The following TSNARE1 variants were observed in gnomAD, a reference collection of about 807,000 sequenced individuals.
TSNARE1 encodes t-SNARE domain containing 1.
A neutral mutation model predicts 62.0 loss-of-function variants in TSNARE1; 49 were observed. The observed-to-expected ratio is 0.79, with a 90% CI of 0.63 to 1.00. The LOEUF (loss-of-function observed/expected upper bound fraction) is 1.00. Ranked by LOEUF, TSNARE1 falls within the 50% of genes least tolerant of loss-of-function variation. TSNARE1 has a pLI of 0.00. For missense variants in TSNARE1, 755 were observed against 700.1 expected (o/e 1.08, Z -0.88); for synonymous variants, 328 against 294.4 (o/e 1.11, Z -1.17).
intron 12 of TSNARE1, among the ~76,000 whole-genome samples, chr8:142,241,589 T>C (rs1817669081): frequency 6.6e-6 from 1 of 152,126 alleles, no homozygotes; most frequent in Non-Finnish European, 1.5e-5. Context: ...AGAGGTCACA[T>C]TAAATAATCT....
intron 11 of TSNARE1, chr8:142,275,396 C>A (rs188231988): frequency 2.0e-6 from 2 of 985,146 alleles, no homozygotes; most frequent in South Asian, 4.7e-5. Flanking sequence ...GCGGGGATCA[C>A]GGGAGATGGT....
chr8:142,392,324 C>T (rs1837589058), intron 1 of TSNARE1, among the ~76,000 whole-genome samples: 2 of 152,010 alleles, frequency 1.3e-5, no homozygotes, highest in South Asian at 4.1e-4. Context: ...ACCCAGCCAA[C>T]TTTTTTTTAA....
At chr8:142,284,237 GCT>G (rs2130896383) in intron 11 of TSNARE1, among the ~76,000 whole-genome samples, 174 bp downstream of exon 11, 1 of 152,338 alleles carries the variant, frequency 6.6e-6, no homozygotes, top group South Asian at 2.1e-4. Flanking sequence ...GCGGAGCAGG[GCT>G]GGAGGAAGAC....
chr8:142,351,690 C>T (rs1165033517), intron 2 of TSNARE1, among the ~76,000 whole-genome samples: 1 of 152,098 alleles, frequency 6.6e-6, no homozygotes, highest in African/African-American at 2.4e-5. Flanking sequence ...GCACTTTGTT[C>T]TAAAAAGTAT....
At chr8:142,228,358 C>G (rs1816935991) in intron 13 of TSNARE1, among the ~76,000 whole-genome samples, 1 of 152,202 alleles carries the variant, frequency 6.6e-6, no homozygotes, top group Non-Finnish European at 1.5e-5. Flanking sequence ...ATGTTCTGTC[C>G]CAGCCCTGCC....
At position 142,258,474 on chromosome 8, in the gene TSNARE1, G is replaced by A. The variant is rs1160305875; in HGVS notation, c.1446+16307C>T. Among the ~76,000 whole-genome samples, 159 of 133,664 alleles carry A rather than the reference G, an allele frequency of 1.2e-3. 3 individuals are homozygous for A. Among genetic ancestry groups the A allele is most frequent in the Non-Finnish European group, 5.8e-4 (38 of 65,348 alleles). 87.7% of individuals were successfully genotyped at this position (133,664 alleles called of 152,430 possible). ...TGGGACCCAGTCAGCTGCAGAACTT[G>A]TGCTTTTTTTTTTTTTTTTTTTTTT... On this transcript the variant is annotated intron_variant, in intron 12 of 13. Transcript: ENST00000524325.
At chr8:142,358,659 C>CCG in intron 1 of TSNARE1, among the ~76,000 whole-genome samples, 1 of 152,204 alleles carries the variant, frequency 6.6e-6, no homozygotes, top group East Asian at 1.9e-4. Flanking sequence ...CACCGAGTCA[C>CCG]CGCAGGCAGA....
At chr8:142,287,436 C>T (rs746553507) in intron 10 of TSNARE1, among the ~76,000 whole-genome samples, 84 of 87,072 alleles carry the variant, frequency 9.6e-4, no homozygotes, top group African/African-American at 1.7e-3. Flanking sequence ...GACAGTGGGC[C>T]GCCCTCCAGG....
intron 13 of TSNARE1, among the ~76,000 whole-genome samples, chr8:142,228,315 T>G (rs1242778738): frequency 6.6e-6 from 1 of 152,222 alleles, no homozygotes; most frequent in Non-Finnish European, 1.5e-5. Context: ...CTTAACATGT[T>G]TCAGAGGCTC....
chr8:142,280,111 C>T (rs757378232), intron 11 of TSNARE1: 65 of 1,146,964 alleles, frequency 5.7e-5, no homozygotes, highest in East Asian at 1.9e-4. Flanking sequence ...AGGTGTGCCC[C>T]GCAGCGCCCC....
intron 11 of TSNARE1, chr8:142,278,288 G>T (rs1820832708): frequency 2.0e-6 from 2 of 985,322 alleles, no homozygotes; most frequent in South Asian, 4.7e-5. Flanking sequence ...GCACCGCTGT[G>T]AGCAGGAGCA....
chr8:142,269,406 C>G, intron 12 of TSNARE1: 1 of 984,804 alleles, frequency 1.0e-6, no homozygotes, highest in Non-Finnish European at 1.2e-6. Flanking sequence ...AGAGTAGAGG[C>G]TGTGTCCAGG....
chr8:142,279,587 A>G (rs1265707341), intron 11 of TSNARE1, among the ~76,000 whole-genome samples: 1 of 152,158 alleles, frequency 6.6e-6, no homozygotes, highest in Non-Finnish European at 1.5e-5. Flanking sequence ...TGATGGCACA[A>G]TGCTTGGCAA....
At chr8:142,216,028 GC>G (rs1815815588) in intron 13 of TSNARE1, among the ~76,000 whole-genome samples, 1 of 152,194 alleles carries the variant, frequency 6.6e-6, no homozygotes, top group Admixed American at 6.5e-5. Context: ...TGTGGCATCT[GC>G]CGGCTGAGTG....
At chr8:142,307,515 A>G (rs997505841) in intron 9 of TSNARE1, among the ~76,000 whole-genome samples, 4 of 152,210 alleles carry the variant, frequency 2.6e-5, no homozygotes, top group African/African-American at 9.7e-5. Context: ...ATCCTCCCAT[A>G]TATTTAAATC....
intron 9 of TSNARE1, among the ~76,000 whole-genome samples, chr8:142,302,667 A>T (rs1301903788): frequency 6.6e-6 from 1 of 152,140 alleles, no homozygotes; most frequent in African/African-American, 2.4e-5. Context: ...GCCTCTGCTC[A>T]TCAGGGCCCT....
At position 142,291,585 on chromosome 8, in the gene TSNARE1, T is replaced by C. The variant is rs1823757498; in HGVS notation, c.1291-7100A>G. Among the ~76,000 whole-genome samples, 1 of 144,412 alleles carries C rather than the reference T, an allele frequency of 6.9e-6. No individual in the cohort carries two copies. Among genetic ancestry groups the C allele is most frequent in the Admixed American group, 6.9e-5 (1 of 14,424 alleles). The allele number at this position is 144,412 out of a possible 152,430, so 94.7% of individuals were successfully genotyped here. On this transcript the variant is annotated intron_variant, in intron 10 of 13. Coordinates refer to ENST00000524325, the MANE Select transcript of TSNARE1 (RefSeq NM_145003.5). This position sits in a 1 kb window ranked among gnomAD's most constrained non-coding sequence, Gnocchi z 4.8. Reference sequence around the variant, plus strand: ...ATTTGTTCATTCAGCAGCCACTGGGTGCCAGGCAGCGTCAGGCCGGTGAGC... The same window carrying C: ...ATTTGTTCATTCAGCAGCCACTGGGCGCCAGGCAGCGTCAGGCCGGTGAGC...
chr8:142,321,648 T>C (rs866581826), intron 6 of TSNARE1, among the ~76,000 whole-genome samples: 5 of 151,982 alleles, frequency 3.3e-5, no homozygotes, highest in South Asian at 2.1e-4. Flanking sequence ...AGATCCAACA[T>C]TAAAAGAACA....
intron 2 of TSNARE1, among the ~76,000 whole-genome samples, chr8:142,348,220 G>A (rs1463552398): frequency 6.6e-6 from 1 of 152,120 alleles, no homozygotes; most frequent in African/African-American, 2.4e-5. Context: ...CTTCTTCCAC[G>A]CACCACATTC....
Sources: allele counts gnomAD v4.1 joint callset (sites outside exome capture counted in the v4.1 genomes callset), GRCh38; gene constraint gnomAD v4.1.1; non-coding constraint Gnocchi (gnomAD v3.1); transcripts MANE v1.5; gene names NCBI Gene and HGNC (gene_info 2026-07-23, HGNC 2026-07-21).